Variants in KIRREL3 observed in about 807,000 individuals in gnomAD.
KIRREL3 encodes the protein kirre like nephrin family adhesion molecule 3.
KIRREL3 carries 36 observed loss-of-function variants against 89.7 expected under a neutral mutation model. The observed-to-expected ratio is 0.40, with a 90% CI of 0.31 to 0.53. The LOEUF is 0.53. Ranked by LOEUF, KIRREL3 falls within the 20% of genes least tolerant of loss-of-function variation. The pLI is 0.49. For missense variants in KIRREL3, 864 were observed against 1,056.6 expected (o/e 0.82, Z 2.53); for synonymous variants, 445 against 441.4 (o/e 1.01, Z -0.10).
At position 126,985,150 on chromosome 11, in the gene KIRREL3, G is replaced by A. The variant is rs1184914406; in HGVS notation, c.55+15305C>T. Reference sequence around the variant, plus strand: ...GCTCATAGGTACTCGAGTTGTACAAGGCAATAATAATGATAAATAGAGCAC... The same window carrying A: ...GCTCATAGGTACTCGAGTTGTACAAAGCAATAATAATGATAAATAGAGCAC... On this transcript the variant is annotated intron_variant, in intron 1 of 16. Transcript: ENST00000525144. This position sits in a 1 kb window ranked among gnomAD's most constrained non-coding sequence, Gnocchi z 5.3. Among the ~76,000 whole-genome samples the A allele has an allele frequency of 6.6e-6, 1 of 152,104 alleles. No homozygotes were observed. The highest frequency in any genetic ancestry group is 1.5e-5 in the Non-Finnish European group (1 of 68,022).
chr11:126,718,201 A>C (rs372986431), intron 1 of KIRREL3, among the ~76,000 whole-genome samples: 221 of 152,150 alleles, frequency 1.5e-3, no homozygotes, highest in African/African-American at 5.1e-3. Context: ...CCTCTGCCTC[A>C]GGCTCAGGCA....
At position 126,805,364 on chromosome 11, in the gene KIRREL3, T is replaced by C. The variant is rs775562016; in HGVS notation, c.55+195091A>G. ...GAGATTACCCTATTACAAGTCATAC[T>C]GGGTGGAGGAGATTTAATTACTCAG... is the stretch of plus-strand genomic sequence containing the variant. On this transcript the variant is annotated intron_variant, in intron 1 of 16. Coordinates refer to ENST00000525144, the MANE Select transcript of KIRREL3 (RefSeq NM_032531.4). The surrounding 1 kb of genome is among the most constrained non-coding windows in gnomAD (Gnocchi z 4.3). Among the ~76,000 whole-genome samples the C allele has an allele frequency of 1.3e-5, 2 of 152,118 alleles. No homozygotes were observed. Among genetic ancestry groups the C allele is most frequent in the Non-Finnish European group, 2.9e-5 (2 of 68,024 alleles).
In KIRREL3 at chr11:126,570,042, C is replaced by G. The variant is rs954399847; in HGVS notation, c.56-7130G>C. The stretch of plus-strand genomic sequence containing the variant: ...AAGATCATAATTTTCTGATCAACCT[C>G]TATCATAAAGAGGACTGAAGAGTGG... On this transcript the variant is annotated intron_variant, in intron 1 of 16. Coordinates refer to ENST00000525144, the MANE Select transcript of KIRREL3 (RefSeq NM_032531.4). The surrounding 1 kb of genome is among the most constrained non-coding windows in gnomAD (Gnocchi z 6.1). Among the ~76,000 whole-genome samples, 1 of 152,182 alleles carries G rather than the reference C, an allele frequency of 6.6e-6. No individual in the cohort carries two copies. Among genetic ancestry groups the G allele is most frequent in the African/African-American group, 2.4e-5 (1 of 41,446 alleles).
chr11:126,770,931 G>A (rs1328606867), intron 1 of KIRREL3, among the ~76,000 whole-genome samples: 1 of 152,150 alleles, frequency 6.6e-6, no homozygotes, highest in African/African-American at 2.4e-5. Flanking sequence ...CACCTCCCAG[G>A]TTCAAGTGAT....
rs377134484 is a variant in KIRREL3, at chr11:126,445,073, T to C, written c.1158A>G (p.Lys386=). The change falls in exon 10 of 17, where the codon AAA becomes AAG. Residue 386 remains lysine (K), a synonymous_variant. Transcript: ENST00000525144. ...VLSNEKTLTL[K]SVRQEDAGKY... ...TGCCCGCGTCCTCCTGGCGCACGGA[T>C]TTGAGGGTCAGGGTCTTCTCATTGC... The C allele has an allele frequency of 1.9e-6, 3 of 1,613,660 alleles. No individual in the cohort carries two copies. In the African/African-American group the frequency reaches 4.0e-5, roughly 22 times the overall value.
At chr11:126,450,008 AC>A (rs1223007140) in intron 7 of KIRREL3, among the ~76,000 whole-genome samples, 1 of 152,200 alleles carries the variant, frequency 6.6e-6, no homozygotes, top group Non-Finnish European at 1.5e-5. Context: ...GCCAATCGGT[AC>A]CACACAATAG....
At chr11:126,728,229 G>T (rs557054369) in intron 1 of KIRREL3, among the ~76,000 whole-genome samples, 1 of 152,226 alleles carries the variant, frequency 6.6e-6, no homozygotes, top group Admixed American at 6.5e-5. Context: ...CCTCTAAATA[G>T]CTCTGTAGTC....
At chr11:126,506,180 C>G (rs890543260) in intron 4 of KIRREL3, among the ~76,000 whole-genome samples, 11 of 152,102 alleles carry the variant, frequency 7.2e-5, no homozygotes, top group African/African-American at 2.7e-4. Flanking sequence ...AGTAGTAAAT[C>G]TTTGTGACCT....
chr11:126,532,417 C>A (rs557057329), intron 2 of KIRREL3, among the ~76,000 whole-genome samples: 50 of 151,910 alleles, frequency 3.3e-4, no homozygotes, highest in African/African-American at 1.2e-3. Context: ...CTCTTGTCGC[C>A]CAGGATGGAG....
At position 126,764,400 on chromosome 11, in the gene KIRREL3, T is replaced by C. The variant is rs915923620; in HGVS notation, c.56-201488A>G. On this transcript the variant is annotated intron_variant, in intron 1 of 16. Transcript: ENST00000525144. This position sits in a 1 kb window ranked among gnomAD's most constrained non-coding sequence, Gnocchi z 4.2. Reference sequence around the variant, plus strand: ...GAATGGAAGCTACACATTTCTGTCCTAGAGATAGGTGGCAGTGTGGATTCA... The same window carrying C: ...GAATGGAAGCTACACATTTCTGTCCCAGAGATAGGTGGCAGTGTGGATTCA... 4.6e-5 allele frequency among the ~76,000 whole-genome samples: 7 copies of C among 152,154 alleles called. No homozygotes were observed. Among genetic ancestry groups the C allele is most frequent in the African/African-American group, 1.7e-4 (7 of 41,428 alleles).
chr11:126,853,746 A>C (rs1944414842), intron 1 of KIRREL3, among the ~76,000 whole-genome samples: 1 of 152,138 alleles, frequency 6.6e-6, no homozygotes, highest in Non-Finnish European at 1.5e-5. Context: ...ACTTAAAAAA[A>C]AAACAAAACA....
chr11:126,559,667 C>T (rs1440852183), intron 2 of KIRREL3, among the ~76,000 whole-genome samples: 1 of 151,656 alleles, frequency 6.6e-6, no homozygotes. Context: ...GAAAATGTGT[C>T]TTACTCTACT....
Position 126,427,300 on chromosome 11 carries a change from T to A in KIRREL3, c.1807-1576A>T, listed in dbSNP as rs1180581298. Reference sequence around the variant, plus strand: ...AGGCCCCAGGGGAAATAGATGAGCGTAGACTCAGAAACATGACCTTTGCCC... The same window carrying A: ...AGGCCCCAGGGGAAATAGATGAGCGAAGACTCAGAAACATGACCTTTGCCC... On this transcript the variant is annotated intron_variant, in intron 15 of 16. Coordinates refer to ENST00000525144, the MANE Select transcript of KIRREL3 (RefSeq NM_032531.4). The surrounding 1 kb of genome is among the most constrained non-coding windows in gnomAD (Gnocchi z 5.3). Among the ~76,000 whole-genome samples the A allele has an allele frequency of 6.6e-6, 1 of 152,148 alleles. No homozygotes were observed. Among genetic ancestry groups the A allele is most frequent in the African/African-American group, 2.4e-5 (1 of 41,434 alleles).
At position 126,945,420 on chromosome 11, in the gene KIRREL3, T is replaced by C. The variant is rs982323369; in HGVS notation, c.55+55035A>G. Among the ~76,000 whole-genome samples the C allele has an allele frequency of 1.8e-4, 28 of 152,298 alleles. 1 individual carries two copies. The highest frequency in any genetic ancestry group is 6.0e-4 in the African/African-American group (25 of 41,570). On this transcript the variant is annotated intron_variant, in intron 1 of 16. Transcript: ENST00000525144. ...ACCCTCCTTCCAGCAGTTCACTCCTTTAAAGAGAAATCATTCTCTCCCGTG... is the reference window on the plus strand; with the variant it reads ...ACCCTCCTTCCAGCAGTTCACTCCTCTAAAGAGAAATCATTCTCTCCCGTG...
Position 126,605,542 on chromosome 11 carries a change from G to A in KIRREL3, c.56-42630C>T, listed in dbSNP as rs983764171. ...CACAGCCCACACTTAGCAGCTTGGC[G>A]CACGCAAATAGGAGCTCTGCTCACA... On this transcript the variant is annotated intron_variant, in intron 1 of 16. Coordinates refer to ENST00000525144, the MANE Select transcript of KIRREL3 (RefSeq NM_032531.4). This position sits in a 1 kb window ranked among gnomAD's most constrained non-coding sequence, Gnocchi z 5.7. Among the ~76,000 whole-genome samples the A allele has an allele frequency of 2.6e-5, 4 of 152,220 alleles. No homozygotes were observed. Among genetic ancestry groups the A allele is most frequent in the Admixed American group, 1.3e-4 (2 of 15,286 alleles).
At chr11:126,799,711 C>A (rs1314918175) in intron 1 of KIRREL3, among the ~76,000 whole-genome samples, 3 of 152,068 alleles carry the variant, frequency 2.0e-5, no homozygotes, top group Admixed American at 1.3e-4. Context: ...AGAGAGATGG[C>A]AGAACCTTTT....
rs112092447 is a variant in KIRREL3 at position 126,615,703 on chromosome 11, T to C, written c.56-52791A>G. 6.6e-6 allele frequency among the ~76,000 whole-genome samples: 1 copy of C among 152,212 alleles called. No individual in the cohort carries two copies. Among genetic ancestry groups the C allele is most frequent in the Non-Finnish European group, 1.5e-5 (1 of 68,032 alleles). On this transcript the variant is annotated intron_variant, in intron 1 of 16. Coordinates refer to ENST00000525144, the MANE Select transcript of KIRREL3 (RefSeq NM_032531.4). This position sits in a 1 kb window ranked among gnomAD's most constrained non-coding sequence, Gnocchi z 5.4. ...TTAGAGTCTGAGGTCACCCAGTTAC[T>C]GCTCTATCAGCCACCTACCCCACAT...
At position 126,566,135 on chromosome 11, in the gene KIRREL3, T is replaced by C. The variant is rs1008574713; in HGVS notation, c.56-3223A>G. Among the ~76,000 whole-genome samples the C allele has an allele frequency of 2.6e-5, 3 of 116,232 alleles. No homozygotes were observed. The highest frequency in any genetic ancestry group is 1.2e-4 in the African/African-American group (3 of 24,048). 76.3% of individuals were successfully genotyped at this position (116,232 alleles called of 152,430 possible). ...CACCCAGATACTCTAAAGCTGGCTA[T>C]GGAAAAATAATTACCATGAAAGGAG... On this transcript the variant is annotated intron_variant, in intron 1 of 16. Coordinates refer to ENST00000525144, the MANE Select transcript of KIRREL3 (RefSeq NM_032531.4). The surrounding 1 kb of genome is among the most constrained non-coding windows in gnomAD (Gnocchi z 4.9).
In KIRREL3 at chr11:126,489,863, G is replaced by A. The variant is rs934015693; in HGVS notation, c.434-16397C>T. 1.3e-5 allele frequency among the ~76,000 whole-genome samples: 2 copies of A among 152,192 alleles called. No individual in the cohort carries two copies. The highest frequency in any genetic ancestry group is 4.8e-5 in the African/African-American group (2 of 41,452). On this transcript the variant is annotated intron_variant, in intron 4 of 16. Coordinates refer to ENST00000525144, the MANE Select transcript of KIRREL3 (RefSeq NM_032531.4). This position sits in a 1 kb window ranked among gnomAD's most constrained non-coding sequence, Gnocchi z 5.5. ...CGGATCCTCTATCAAAAAACAGGATGGTGTCGAGTTGCAGTGGGTGCGCTG... is the reference window on the plus strand; with the variant it reads ...CGGATCCTCTATCAAAAAACAGGATAGTGTCGAGTTGCAGTGGGTGCGCTG...
Sources: allele counts gnomAD v4.1 joint callset (sites outside exome capture counted in the v4.1 genomes callset), GRCh38; gene constraint gnomAD v4.1.1; non-coding constraint Gnocchi (gnomAD v3.1); transcripts MANE v1.5; gene names NCBI Gene and HGNC (gene_info 2026-07-23, HGNC 2026-07-21).